The following MAB21L3 variants were observed in gnomAD, a reference collection of about 807,000 sequenced individuals.
MAB21L3 encodes mab-21 like 3.
A neutral mutation model predicts 37.7 loss-of-function variants in MAB21L3; 36 were observed. The ratio of observed to expected loss-of-function variants is 0.96; its 90% CI spans 0.73 to 1.26. The LOEUF (loss-of-function observed/expected upper bound fraction) is 1.26, where lower values mean the gene tolerates loss of function less well. Ranked by LOEUF, MAB21L3 falls within the 50% of genes most tolerant of loss-of-function variation. The probability of loss-of-function intolerance (pLI) is 0.00; values close to 1 mark genes in which losing one functional copy is unlikely to be tolerated. For synonymous variants in MAB21L3, 186 were observed against 176.8 expected, an observed-to-expected ratio of 1.05 and a Z score of -0.41; for missense variants, 430 against 447.3, an observed-to-expected ratio of 0.96 and a Z score of 0.35.
chr1:116,112,206 A>C (rs1281388155), intron 2 of MAB21L3, among the ~76,000 whole-genome samples: 1 of 152,108 alleles, frequency 6.6e-6, no homozygotes, highest in Non-Finnish European at 1.5e-5. Flanking sequence ...CAGGAGCATA[A>C]AAGGTGGGGA....
At chr1:116,112,811 G>T in intron 3 of MAB21L3, 148 bp downstream of exon 3, 1 of 769,668 alleles carries the variant, frequency 1.3e-6, no homozygotes, top group East Asian at 2.7e-5. Flanking sequence ...ACAATGTTTG[G>T]GGGCTTAACA....
At chr1:116,118,740 T>C (rs1659658717) in intron 3 of MAB21L3, among the ~76,000 whole-genome samples, 1 of 152,254 alleles carries the variant, frequency 6.6e-6, no homozygotes, top group African/African-American at 2.4e-5. Flanking sequence ...GCCTCAGGCC[T>C]GGCTCAATAC....
Position 116,124,126 on chromosome 1 carries a change from G to A in MAB21L3, c.250G>A (p.Glu84Lys). The change falls in exon 5 of 8, where the codon GAG becomes AAG. Residue 84 changes from glutamate (E) to lysine (K), a missense_variant. Glu to Lys is a moderately conservative substitution (Grantham distance 56). Coordinates refer to ENST00000369500, the MANE Select transcript of MAB21L3 (RefSeq NM_152367.3). ...VPIKGLAGYR[E>K]AREQHWRYYT... ...AATAAAAGGCCTGGCCGGGTACAGG[G>A]AGGCCAGGGAGCAGCACTGGCGGTA... is the stretch of plus-strand genomic sequence containing the variant. The A allele has an allele frequency of 2.5e-6, 4 of 1,613,996 alleles. No individual in the cohort carries two copies. Among genetic ancestry groups the A allele is most frequent in the Non-Finnish European group, 3.4e-6 (4 of 1,179,882 alleles).
rs1381608040 is a variant in MAB21L3 at position 116,135,474 on chromosome 1, T to C, written c.*2109T>C. ...AGACCAATAACAGGATCTGAAATTG[T>C]GGCAATAATCAATAGCTTACCAACC... On this transcript the variant is annotated 3_prime_UTR_variant, in exon 8 of 8. Coordinates refer to ENST00000369500, the MANE Select transcript of MAB21L3 (RefSeq NM_152367.3). 6.6e-6 allele frequency among the ~76,000 whole-genome samples: 1 copy of C among 152,008 alleles called. No homozygotes were observed. Among genetic ancestry groups the C allele is most frequent in the Admixed American group, 6.6e-5 (1 of 15,258 alleles).
At chr1:116,111,989 G>A (rs1363579019) in intron 2 of MAB21L3, among the ~76,000 whole-genome samples, 179 bp downstream of exon 2, 5 of 152,206 alleles carry the variant, frequency 3.3e-5, no homozygotes, top group Admixed American at 1.3e-4. Flanking sequence ...TGTGCTCTGC[G>A]CTGGCTGACA....
chr1:116,138,036 G>A lies in MAB21L3; in HGVS notation c.*4671G>A, dbSNP rs1424926978. On this transcript the variant is annotated 3_prime_UTR_variant, in exon 8 of 8. Coordinates refer to ENST00000369500, the MANE Select transcript of MAB21L3 (RefSeq NM_152367.3). ...ATACCTAATGCTAGATGACGAGTTA[G>A]TGGGTGCAGCGCACCAGCATGGCAC... 6.6e-6 allele frequency among the ~76,000 whole-genome samples: 1 copy of A among 150,596 alleles called. No individual in the cohort carries two copies. The highest frequency in any genetic ancestry group is 1.5e-5 in the Non-Finnish European group (1 of 67,728).
At chr1:116,113,057 G>C (rs1659475155) in intron 3 of MAB21L3, among the ~76,000 whole-genome samples, 1 of 152,100 alleles carries the variant, frequency 6.6e-6, no homozygotes, top group African/African-American at 2.4e-5. Context: ...TTAAAACAAA[G>C]CTTTTTAAAG....
rs1464334185 is a variant in MAB21L3, at chr1:116,133,200, T to C, written c.924T>C (p.Phe308=). ...FKDWQVFSKA[F]LRLVRKLHKC... ...ACTGGCAGGTCTTCAGCAAAGCATT[T>C]CTGCGCCTGGTGAGGAAACTGCACA... Residue 308 remains phenylalanine (F), a synonymous_variant, in exon 8 of 8, where the codon TTT becomes TTC. Coordinates refer to ENST00000369500, the MANE Select transcript of MAB21L3 (RefSeq NM_152367.3). 6.2e-7 allele frequency: 1 copy of C among 1,614,202 alleles called. No individual in the cohort carries two copies.
At chr1:116,126,866 A>C (rs1197288455) in intron 5 of MAB21L3, among the ~76,000 whole-genome samples, 1 of 152,204 alleles carries the variant, frequency 6.6e-6, no homozygotes, top group African/African-American at 2.4e-5. Context: ...CCATACTTCG[A>C]GTACCCATAC....
At chr1:116,126,954 G>T (rs1659924585) in intron 5 of MAB21L3, among the ~76,000 whole-genome samples, 1 of 152,218 alleles carries the variant, frequency 6.6e-6, no homozygotes, top group Non-Finnish European at 1.5e-5. Context: ...TTGCCCAACT[G>T]TAAGTTAATG....
chr1:116,115,085 G>A (rs12564300), intron 3 of MAB21L3, among the ~76,000 whole-genome samples: 18,639 of 152,106 alleles, frequency 0.12, 1,361 homozygotes, highest in African/African-American at 0.2. Flanking sequence ...GGGAACCTGG[G>A]CAAATTACTT....
At chr1:116,118,579 T>C (rs1030812382) in intron 3 of MAB21L3, among the ~76,000 whole-genome samples, 4 of 152,230 alleles carry the variant, frequency 2.6e-5, no homozygotes, top group African/African-American at 9.6e-5. Context: ...AAGCACTTAC[T>C]GTTGACTTTG....
chr1:116,128,268 G>C lies in MAB21L3; in HGVS notation c.784G>C (p.Val262Leu). The change falls in exon 7 of 8, where the codon GTC (valine) becomes CTC (leucine). Residue 262 changes from valine (V) to leucine (L), a missense_variant. Coordinates refer to ENST00000369500, the MANE Select transcript of MAB21L3 (RefSeq NM_152367.3). ...GGGCTGCCGTAGGAAGTGTTTTCAGGTCATGAGGCACCTGAAGGAGGACAT... is the reference window on the plus strand; with the variant it reads ...GGGCTGCCGTAGGAAGTGTTTTCAGCTCATGAGGCACCTGAAGGAGGACAT... ...DGGCRRKCFQ[V>L]MRHLKEDIWC... is the part of the protein sequence containing the mutation. 1.2e-6 allele frequency: 2 copies of C among 1,614,100 alleles called. No individual in the cohort carries two copies.
chr1:116,127,999 C>G, intron 6 of MAB21L3, 146 bp from the exon 7 acceptor site: 5 of 828,316 alleles, frequency 6.0e-6, no homozygotes, highest in South Asian at 3.7e-5. Flanking sequence ...CTTGTGGTCT[C>G]CCTGGCACCC....
chr1:116,115,025 A>G (rs1309868289), intron 3 of MAB21L3, among the ~76,000 whole-genome samples: 3 of 152,192 alleles, frequency 2.0e-5, no homozygotes, highest in African/African-American at 7.2e-5. Context: ...AGTGGTTACA[A>G]ATATGGGCTT....
At chr1:116,131,967 G>A (rs1337148578) in intron 7 of MAB21L3, among the ~76,000 whole-genome samples, 5 of 152,124 alleles carry the variant, frequency 3.3e-5, no homozygotes, top group Admixed American at 6.6e-5. Context: ...GACTGGGGAC[G>A]GTAAGGGAGA....
At position 116,124,149 on chromosome 1, in the gene MAB21L3, G is replaced by C; in HGVS notation, c.273G>C (p.Arg91=). 6.2e-7 allele frequency: 1 copy of C among 1,614,232 alleles called. No individual in the cohort carries two copies. The highest frequency in any genetic ancestry group is 8.5e-7 in the Non-Finnish European group (1 of 1,180,040). ...GGGAGGCCAGGGAGCAGCACTGGCG[G>C]TACTACACACTGCAGGGCACCAGGC... The part of the protein sequence containing the change: ...GYREAREQHW[R]YYTLQGTRLP... Residue 91 remains arginine (R), a synonymous_variant, in exon 5 of 8, where the codon CGG becomes CGC. Transcript: ENST00000369500.
Position 116,136,544 on chromosome 1 carries a change from A to G in MAB21L3, c.*3179A>G, listed in dbSNP as rs979142360. 5.3e-3 allele frequency among the ~76,000 whole-genome samples: 804 copies of G among 152,340 alleles called. 5 individuals are homozygous for G. Among genetic ancestry groups the G allele is most frequent in the African/African-American group, 0.018 (760 of 41,560 alleles). Reference sequence around the variant, plus strand: ...GAATCAATATCGTCAAAATGGCCAGACTGCCCAAGGTAATTTACAGATTCA... The same window carrying G: ...GAATCAATATCGTCAAAATGGCCAGGCTGCCCAAGGTAATTTACAGATTCA... On this transcript the variant is annotated 3_prime_UTR_variant, in exon 8 of 8. Coordinates refer to ENST00000369500, the MANE Select transcript of MAB21L3 (RefSeq NM_152367.3).
intron 3 of MAB21L3, among the ~76,000 whole-genome samples, chr1:116,118,976 C>A (rs557635605): frequency 6.6e-6 from 1 of 152,316 alleles, no homozygotes; most frequent in Non-Finnish European, 1.5e-5. Context: ...CTTGCTTTGT[C>A]AAGTTATCTA....
Sources: gnomAD v4.1 joint callset for allele counts (sites outside exome capture counted in the v4.1 genomes callset) on GRCh38, gnomAD v4.1.1 for gene constraint, MANE v1.5 for transcripts, NCBI Gene and HGNC (gene_info 2026-07-23, HGNC 2026-07-21) for gene names.